The following PDK1 variants were observed in gnomAD, a reference collection of about 807,000 sequenced individuals.
PDK1 encodes pyruvate dehydrogenase kinase 1.
Under a neutral mutation model 54.2 loss-of-function variants are expected in PDK1, and 39 were observed. The ratio of observed to expected loss-of-function variants is 0.72; its 90% CI spans 0.56 to 0.94. PDK1 has a LOEUF of 0.94. Ranked by LOEUF, PDK1 falls within the 40% of genes least tolerant of loss-of-function variation. PDK1 has a pLI of 0.00. For synonymous variants in PDK1, 221 were observed against 207.1 expected (o/e 1.07, Z -0.58); for missense variants, 552 against 566.0 (o/e 0.98, Z 0.25).
At chr2:172,695,784 A>G in the PDK1 span, among the ~76,000 whole-genome samples, 1 of 152,200 alleles carries the variant, frequency 6.6e-6, no homozygotes. Flanking sequence ...GGAACTGCAG[A>G]TAGCCTGGTT....
intron 7 of PDK1, 23 bp from the exon 8 acceptor site, chr2:172,570,703 A>G: frequency 7.2e-7 from 1 of 1,386,012 alleles, no homozygotes; most frequent in Non-Finnish European, 1.0e-6. Flanking sequence ...CTGTATTTTT[A>G]ATACAACCCT....
chr2:172,665,977 G>T, the PDK1 span, among the ~76,000 whole-genome samples: 4 of 152,148 alleles, frequency 2.6e-5, no homozygotes, highest in Non-Finnish European at 5.9e-5. Flanking sequence ...AAGGATGATG[G>T]AACAGAAAAA....
rs1688839568 is a variant in PDK1, at chr2:172,564,696, C to A, written c.595+9C>A. The A allele has an allele frequency of 1.9e-6, 3 of 1,602,686 alleles. No individual in the cohort carries two copies. In the Admixed American group the frequency reaches 5.0e-5, roughly 27 times the overall value. The stretch of plus-strand genomic sequence containing the variant: ...GTTACTCAATCAGCACTGTAAGTGT[C>A]CCTCATGAGTCAAGAGAAGAAGCTA... On this transcript the variant is annotated intron_variant, in intron 4 of 10. Coordinates refer to ENST00000282077, the MANE Select transcript of PDK1 (RefSeq NM_002610.5).
intron 1 of PDK1, among the ~76,000 whole-genome samples, chr2:172,558,466 G>C (rs7566870): frequency 6.6e-6 from 1 of 152,162 alleles, no homozygotes; most frequent in Non-Finnish European, 1.5e-5. Context: ...CAAGAGTATC[G>C]TAATTGCTGT....
chr2:172,665,218 T>C, the PDK1 span, among the ~76,000 whole-genome samples: 3 of 152,162 alleles, frequency 2.0e-5, no homozygotes, highest in Non-Finnish European at 2.9e-5. Context: ...TTTCAATGAT[T>C]GCCCCCTTTA....
chr2:172,624,830 G>A, the PDK1 span, among the ~76,000 whole-genome samples: 1 of 152,052 alleles, frequency 6.6e-6, no homozygotes, highest in Non-Finnish European at 1.5e-5. Context: ...CCTTGTCTCT[G>A]TTTCAAAATT....
chr2:172,625,590 C>T, the PDK1 span, among the ~76,000 whole-genome samples: 2 of 152,164 alleles, frequency 1.3e-5, no homozygotes, highest in African/African-American at 4.8e-5. Flanking sequence ...TTTGGGGGCT[C>T]TGTGTAAATA....
chr2:172,635,915 A>G, the PDK1 span, among the ~76,000 whole-genome samples: 4 of 152,254 alleles, frequency 2.6e-5, no homozygotes, highest in Admixed American at 6.5e-5. Flanking sequence ...TGCTTCCCGT[A>G]CCTTGCCTTG....
At chr2:172,619,152 C>G in the PDK1 span, among the ~76,000 whole-genome samples, 1 of 152,186 alleles carries the variant, frequency 6.6e-6, no homozygotes, top group Non-Finnish European at 1.5e-5. Flanking sequence ...CTGCCACCCC[C>G]TGCCCTCCAC....
the PDK1 span, among the ~76,000 whole-genome samples, chr2:172,660,284 C>G: frequency 1.3e-5 from 1 of 79,056 alleles, no homozygotes; most frequent in Non-Finnish European, 2.4e-5. Context: ...GGAGATGGAG[C>G]CTTGCTTTAT....
the PDK1 span, among the ~76,000 whole-genome samples, chr2:172,622,708 AT>A: frequency 8.2e-5 from 10 of 121,404 alleles, no homozygotes; most frequent in African/African-American, 2.2e-4. Context: ...TATCTCATAT[AT>A]TATGTGAGAT....
the PDK1 span, among the ~76,000 whole-genome samples, chr2:172,624,239 G>A: frequency 1.1e-4 from 17 of 152,250 alleles, no homozygotes; most frequent in African/African-American, 2.2e-4. Context: ...GCTTATCTCC[G>A]GAGATGATAC....
At chr2:172,678,307 G>A in the PDK1 span, among the ~76,000 whole-genome samples, 1 of 151,650 alleles carries the variant, frequency 6.6e-6, no homozygotes, top group Non-Finnish European at 1.5e-5. Context: ...GGTACAAATT[G>A]GAATTGATGG....
chr2:172,676,500 G>A, the PDK1 span, among the ~76,000 whole-genome samples: 1 of 152,184 alleles, frequency 6.6e-6, no homozygotes, highest in African/African-American at 2.4e-5. Flanking sequence ...AACTATAGAT[G>A]TGATAGAAAT....
chr2:172,671,092 CT>C, the PDK1 span, among the ~76,000 whole-genome samples: 392 of 139,796 alleles, frequency 2.8e-3, no homozygotes, highest in East Asian at 4.5e-3. Flanking sequence ...TTTTGGGTGT[CT>C]TTTTTTTTTT....
intron 3 of PDK1, 61 bp downstream of exon 3, chr2:172,562,352 G>C (rs111904181): frequency 2.1e-5 from 22 of 1,040,076 alleles, no homozygotes; most frequent in Non-Finnish European, 2.9e-5. Flanking sequence ...GGGGAAATTG[G>C]TTAACTTTTA....
rs887752465 is a variant in PDK1 at position 172,607,397 on chromosome 2, C to T, written c.*11428C>T. On this transcript the variant is annotated 3_prime_UTR_variant, in exon 11 of 11. Coordinates refer to ENST00000282077, the MANE Select transcript of PDK1 (RefSeq NM_002610.5). ...TCATATACAGTTCTTTCTAAAACTC[C>T]TTCTGTTCTCTAAGATGTAGTTTGA... 6.6e-6 allele frequency: 1 copy of T among 152,084 alleles called. No homozygotes were observed. Among genetic ancestry groups the T allele is most frequent in the Non-Finnish European group, 1.5e-5 (1 of 68,008 alleles). 9.4% of individuals were successfully genotyped at this position (152,084 alleles called of 1,614,324 possible).
At chr2:172,627,011 AAGAT>A in the PDK1 span, among the ~76,000 whole-genome samples, 9 of 152,214 alleles carry the variant, frequency 5.9e-5, no homozygotes, top group African/African-American at 1.7e-4. Flanking sequence ...AGAATTCTAA[AAGAT>A]AGAGAAAAAA....
the PDK1 span, among the ~76,000 whole-genome samples, chr2:172,627,970 T>C: frequency 6.6e-6 from 1 of 152,186 alleles, no homozygotes; most frequent in Non-Finnish European, 1.5e-5. Context: ...GTCACACCCA[T>C]GAGCTGGACC....
Sources: gnomAD v4.1 joint callset for allele counts (sites outside exome capture counted in the v4.1 genomes callset) on GRCh38, gnomAD v4.1.1 for gene constraint, MANE v1.5 for transcripts, NCBI Gene and HGNC (gene_info 2026-07-23, HGNC 2026-07-21) for gene names.